Variants in TNKS observed in about 807,000 individuals in gnomAD.
TNKS encodes the protein poly [ADP-ribose] polymerase tankyrase-1.
In TNKS, 72 loss-of-function variants were observed where a neutral mutation model predicts 135.8. That is an observed-to-expected ratio of 0.53 (90% CI 0.44 to 0.64). The LOEUF is 0.64. Among genes scored for constraint, TNKS ranks in the 30% least tolerant of loss-of-function variants. TNKS has a pLI of 0.00. For missense variants in TNKS, 1,769 were observed against 1,674.0 expected, an observed-to-expected ratio of 1.06 and a Z score of -0.99; for synonymous variants, 849 against 649.3, an observed-to-expected ratio of 1.31 and a Z score of -4.68.
intron 3 of TNKS, among the ~76,000 whole-genome samples, chr8:9,620,577 C>G (rs990313054): frequency 2.0e-5 from 3 of 152,152 alleles, no homozygotes; most frequent in Non-Finnish European, 2.9e-5. Context: ...TGGCTCCTGC[C>G]TTGCATTTAT....
intron 2 of TNKS, among the ~76,000 whole-genome samples, chr8:9,584,543 G>C (rs1798295741): frequency 6.6e-6 from 1 of 152,136 alleles, no homozygotes; most frequent in Non-Finnish European, 1.5e-5. Flanking sequence ...CTTCTTATGT[G>C]TTTCTAAGGT....
chr8:9,642,575 T>G (rs990115329), intron 3 of TNKS, among the ~76,000 whole-genome samples: 1 of 146,468 alleles, frequency 6.8e-6, no homozygotes, highest in African/African-American at 2.5e-5. Flanking sequence ...TTTGTTAGAC[T>G]TTTTCATAAT....
chr8:9,761,765 C>A (rs1807161197), intron 21 of TNKS, 129 bp downstream of exon 21: 3 of 957,734 alleles, frequency 3.1e-6, no homozygotes, highest in South Asian at 1.8e-5. Context: ...CCTGTCCCTT[C>A]CCCATCTCAG....
At chr8:9,579,304 G>C (rs1454628146) in intron 1 of TNKS, among the ~76,000 whole-genome samples, 1 of 152,104 alleles carries the variant, frequency 6.6e-6, no homozygotes, top group Admixed American at 6.5e-5. Context: ...CCCAAGAATA[G>C]ATATTTTGGC....
In TNKS at chr8:9,727,421, C is replaced by CT. The variant is rs1168484737; in HGVS notation, c.2001+705dup. Among the ~76,000 whole-genome samples the CT allele has an allele frequency of 2.0e-5, 3 of 151,928 alleles. No individual in the cohort carries two copies. The East Asian group carries it at 5.8e-4, about 29-fold the overall frequency. On this transcript the variant is annotated intron_variant, in intron 13 of 26. Coordinates refer to ENST00000310430, the MANE Select transcript of TNKS (RefSeq NM_003747.3). ...AAAAGTTTTTTGTTTGGAGATTGGT[C>CT]TTTTGGGGTTTGTTTTTTGTTGTTT...
At chr8:9,644,147 G>T (rs192563930) in intron 3 of TNKS, among the ~76,000 whole-genome samples, 1 of 152,114 alleles carries the variant, frequency 6.6e-6, no homozygotes, top group Non-Finnish European at 1.5e-5. Context: ...TGTTTAATAG[G>T]TACATTTTCA....
intron 18 of TNKS, among the ~76,000 whole-genome samples, chr8:9,750,172 A>T (rs1367582169): frequency 6.6e-6 from 1 of 152,182 alleles, no homozygotes; most frequent in East Asian, 1.9e-4. Flanking sequence ...ATTTTGAGGT[A>T]ATATATCTGT....
intron 5 of TNKS, among the ~76,000 whole-genome samples, chr8:9,692,885 A>G (rs1416195447): frequency 2.0e-5 from 3 of 152,196 alleles, no homozygotes; most frequent in Non-Finnish European, 4.4e-5. Flanking sequence ...AATGAAATAT[A>G]TTTATTTCCA....
rs1799614874 is a variant in TNKS, at chr8:9,615,610, C to T, written c.927C>T (p.Asn309=). The T allele has an allele frequency of 8.1e-6, 13 of 1,613,610 alleles. No homozygotes were observed. Among genetic ancestry groups the T allele is most frequent in the Non-Finnish European group, 1.1e-5 (13 of 1,179,856 alleles). The part of the protein sequence containing the change: ...IVLLQHGADP[N]IRNTDGKSAL... ...TGCTGCAGCACGGAGCTGACCCAAA[C>T]ATTCGGAACACTGATGGGAAATCAG... Residue 309 remains asparagine, a synonymous_variant, in exon 3 of 27, where the codon AAC becomes AAT. Transcript: ENST00000310430.
At chr8:9,629,166 C>G (rs1315056687) in intron 3 of TNKS, among the ~76,000 whole-genome samples, 1 of 152,196 alleles carries the variant, frequency 6.6e-6, no homozygotes, top group Admixed American at 6.5e-5. Context: ...GGGGCTGGCA[C>G]TAGAATATAA....
chr8:9,752,965 GAAA>G (rs767596138), intron 20 of TNKS, among the ~76,000 whole-genome samples: 2 of 97,244 alleles, frequency 2.1e-5, no homozygotes, highest in African/African-American at 3.7e-5. Context: ...ACCCTATCTC[GAAA>G]AAAAAAAAAA....
At chr8:9,638,726 T>C (rs987890632) in intron 3 of TNKS, among the ~76,000 whole-genome samples, 3 of 152,178 alleles carry the variant, frequency 2.0e-5, no homozygotes, top group African/African-American at 7.2e-5. Flanking sequence ...CCTTAAGAAA[T>C]TTTTGAAAAA....
At chr8:9,633,952 C>G (rs993985398) in intron 3 of TNKS, among the ~76,000 whole-genome samples, 1 of 152,044 alleles carries the variant, frequency 6.6e-6, no homozygotes, top group Non-Finnish European at 1.5e-5. Flanking sequence ...TTCCCAGATT[C>G]CTGACCCTCA....
At chr8:9,685,040 G>A (rs1339998166) in intron 5 of TNKS, among the ~76,000 whole-genome samples, 1 of 152,052 alleles carries the variant, frequency 6.6e-6, no homozygotes, top group Non-Finnish European at 1.5e-5. Flanking sequence ...GGTAATTGGA[G>A]GAACATGATT....
At chr8:9,601,386 G>C (rs1799010339) in intron 2 of TNKS, among the ~76,000 whole-genome samples, 1 of 152,108 alleles carries the variant, frequency 6.6e-6, no homozygotes, top group South Asian at 2.1e-4. Context: ...AGTACTCTTT[G>C]CTGAGAACCA....
intron 5 of TNKS, among the ~76,000 whole-genome samples, chr8:9,703,786 C>T (rs894544590): frequency 1.3e-5 from 2 of 152,044 alleles, no homozygotes; most frequent in East Asian, 3.8e-4. Flanking sequence ...TATATTAAAG[C>T]CTGTATGAAA....
At chr8:9,596,732 T>G (rs1313502630) in intron 2 of TNKS, among the ~76,000 whole-genome samples, 1 of 152,242 alleles carries the variant, frequency 6.6e-6, no homozygotes, top group Non-Finnish European at 1.5e-5. Context: ...ATTTCTAAAT[T>G]TACTGTGGTA....
chr8:9,721,690 C>T (rs1804888030), intron 12 of TNKS, among the ~76,000 whole-genome samples: 1 of 152,116 alleles, frequency 6.6e-6, no homozygotes, highest in South Asian at 2.1e-4. Context: ...ATCCTTATGA[C>T]ATTTCAGAAG....
intron 26 of TNKS, chr8:9,772,296 G>T (rs1807953237): frequency 4.5e-6 from 2 of 439,644 alleles, no homozygotes; most frequent in Non-Finnish European, 9.2e-6. Flanking sequence ...GGAGAAAGGG[G>T]ACAATGCCTT....
Sources: allele counts gnomAD v4.1 joint callset (sites outside exome capture counted in the v4.1 genomes callset), GRCh38; gene constraint gnomAD v4.1.1; transcripts MANE v1.5; gene names NCBI Gene and HGNC (gene_info 2026-07-23, HGNC 2026-07-21).